Variants in AUTS2 observed in about 807,000 individuals in gnomAD.
AUTS2 encodes activator of transcription and developmental regulator AUTS2.
A neutral mutation model predicts 112.4 loss-of-function variants in AUTS2; 17 were observed. That is an observed-to-expected ratio of 0.15 (90% confidence interval 0.10 to 0.23). The LOEUF (loss-of-function observed/expected upper bound fraction) is 0.23. AUTS2 is among the 10% of genes least tolerant of loss of function. The pLI is 1.00. For synonymous variants in AUTS2, 751 were observed against 702.7 expected, an observed-to-expected ratio of 1.07 and a Z score of -1.09; for missense variants, 1,510 against 1,701.6, an observed-to-expected ratio of 0.89 and a Z score of 1.98.
intron 2 of AUTS2, among the ~76,000 whole-genome samples, chr7:70,117,832 T>C (rs1805462900): frequency 6.6e-6 from 1 of 151,746 alleles, no homozygotes; most frequent in South Asian, 2.1e-4. Flanking sequence ...CGCTGCAACC[T>C]CCGCCTCCCA....
intron 4 of AUTS2, among the ~76,000 whole-genome samples, chr7:70,196,560 G>T (rs563424113): frequency 6.6e-6 from 1 of 152,342 alleles, no homozygotes; most frequent in East Asian, 1.9e-4. Context: ...ATATATGGTT[G>T]CAGCAACTGA....
intron 4 of AUTS2, among the ~76,000 whole-genome samples, chr7:70,228,695 G>A (rs1584904771): frequency 6.6e-6 from 1 of 151,752 alleles, no homozygotes; most frequent in East Asian, 1.9e-4. Context: ...ATTAAAGTCT[G>A]TGCAGTAGTA....
intron 5 of AUTS2, among the ~76,000 whole-genome samples, chr7:70,548,931 C>A (rs982837137): frequency 1.4e-5 from 2 of 144,078 alleles, no homozygotes; most frequent in African/African-American, 5.1e-5. Context: ...TCTACCCCCC[C>A]CCCAAAAAAA....
chr7:70,595,173 TA>T (rs372426068), intron 5 of AUTS2, among the ~76,000 whole-genome samples: 10 of 152,224 alleles, frequency 6.6e-5, no homozygotes, highest in African/African-American at 2.4e-4. Context: ...CAACCGCTGT[TA>T]GGGGGCTTGG....
intron 2 of AUTS2, among the ~76,000 whole-genome samples, chr7:70,114,420 T>C (rs77337727): frequency 0.13 from 11,400 of 90,470 alleles, 617 homozygotes; most frequent in Non-Finnish European, 0.19. Context: ...TAGCTGGGAA[T>C]TTCAGGTGAA....
chr7:70,194,438 A>C (rs191787786), intron 4 of AUTS2, among the ~76,000 whole-genome samples: 133 of 152,222 alleles, frequency 8.7e-4, no homozygotes, highest in African/African-American at 3.2e-3. Context: ...AAAATAAAAA[A>C]AGTTTGACCA....
At chr7:70,208,682 A>T (rs1451171886) in intron 4 of AUTS2, among the ~76,000 whole-genome samples, 4 of 152,042 alleles carry the variant, frequency 2.6e-5, no homozygotes, top group Non-Finnish European at 4.4e-5. Flanking sequence ...TTGTGAGGCT[A>T]TGGAGAAGAT....
chr7:69,764,366 G>A (rs1204501532), intron 1 of AUTS2, among the ~76,000 whole-genome samples: 2 of 151,560 alleles, frequency 1.3e-5, no homozygotes, highest in African/African-American at 4.8e-5. Flanking sequence ...GCCTGCTTTT[G>A]TTCTAGAGAG....
At chr7:70,433,999 G>A (rs1303650631) in intron 4 of AUTS2, among the ~76,000 whole-genome samples, 1 of 152,124 alleles carries the variant, frequency 6.6e-6, no homozygotes, top group Non-Finnish European at 1.5e-5. Flanking sequence ...ATTCTGTCAG[G>A]CATTTTTTCC....
intron 4 of AUTS2, among the ~76,000 whole-genome samples, chr7:70,215,431 G>T (rs899721161): frequency 1.3e-5 from 2 of 152,176 alleles, no homozygotes; most frequent in African/African-American, 4.8e-5. Context: ...AATATGAATA[G>T]TAGATTTTAT....
chr7:69,643,010 G>A (rs995736994), intron 1 of AUTS2, among the ~76,000 whole-genome samples: 15 of 152,116 alleles, frequency 9.9e-5, no homozygotes, highest in African/African-American at 1.4e-4. Context: ...TCACTTACAC[G>A]CTTGACTATG....
At chr7:69,709,488 A>G (rs1798219465) in intron 1 of AUTS2, among the ~76,000 whole-genome samples, 1 of 152,200 alleles carries the variant, frequency 6.6e-6, no homozygotes, top group African/African-American at 2.4e-5. Flanking sequence ...CCCTGTGTTG[A>G]AAAAGGCACA....
chr7:69,878,097 G>A (rs1793884768), intron 1 of AUTS2, among the ~76,000 whole-genome samples: 1 of 152,142 alleles, frequency 6.6e-6, no homozygotes, highest in South Asian at 2.1e-4. Flanking sequence ...AGACAGGTTG[G>A]TATCCTAATC....
chr7:69,796,191 A>G (rs1332304696), intron 1 of AUTS2, among the ~76,000 whole-genome samples: 1 of 152,180 alleles, frequency 6.6e-6, no homozygotes, highest in African/African-American at 2.4e-5. Context: ...GATGTAACCT[A>G]ATTGAAGACG....
At chr7:70,095,867 G>A (rs1442825339) in intron 2 of AUTS2, among the ~76,000 whole-genome samples, 1 of 152,188 alleles carries the variant, frequency 6.6e-6, no homozygotes, top group Non-Finnish European at 1.5e-5. Context: ...GAAAGGGTTT[G>A]ATCCATACAG....
intron 1 of AUTS2, among the ~76,000 whole-genome samples, chr7:69,679,254 G>A (rs1440361695): frequency 6.6e-6 from 1 of 152,224 alleles, no homozygotes; most frequent in African/African-American, 2.4e-5. Context: ...GTGTGTCAGT[G>A]TCTTTCATGT....
intron 13 of AUTS2, among the ~76,000 whole-genome samples, chr7:70,776,332 A>G (rs568203216): frequency 6.6e-6 from 1 of 152,276 alleles, no homozygotes; most frequent in East Asian, 1.9e-4. Flanking sequence ...CTGCCCGCTG[A>G]CTGGTAGAAG....
chr7:69,907,283 A>G (rs1795185269), intron 2 of AUTS2, among the ~76,000 whole-genome samples: 1 of 152,208 alleles, frequency 6.6e-6, no homozygotes, highest in Non-Finnish European at 1.5e-5. Context: ...CTGTGAGTTT[A>G]TCGTAGGACT....
chr7:69,831,427 T>A (rs1019554982), intron 1 of AUTS2, among the ~76,000 whole-genome samples: 1 of 151,772 alleles, frequency 6.6e-6, no homozygotes, highest in African/African-American at 2.4e-5. Context: ...CAAAAAACAG[T>A]TGGAACAGCT....
Sources: allele counts gnomAD v4.1 joint callset (sites outside exome capture counted in the v4.1 genomes callset), GRCh38; gene constraint gnomAD v4.1.1; transcripts MANE v1.5; gene names NCBI Gene and HGNC (gene_info 2026-07-23, HGNC 2026-07-21).